The following RXFP1 variants were observed in gnomAD, a reference collection of about 807,000 sequenced individuals.
RXFP1 encodes relaxin receptor 1.
In RXFP1, 73 loss-of-function variants were observed where a neutral mutation model predicts 89.8. The ratio of observed to expected loss-of-function variants is 0.81; its 90% CI spans 0.67 to 0.99. The LOEUF (loss-of-function observed/expected upper bound fraction) is 0.99, where lower values mean the gene tolerates loss of function less well. RXFP1 is among the 50% of genes least tolerant of loss of function. RXFP1 has a pLI of 0.00. For synonymous variants in RXFP1, 277 were observed against 305.5 expected (o/e 0.91, Z 0.97); for missense variants, 793 against 895.5 (o/e 0.89, Z 1.46).
chr4:158,529,441 T>C (rs540949835), intron 1 of RXFP1, among the ~76,000 whole-genome samples: 1 of 152,094 alleles, frequency 6.6e-6, no homozygotes, highest in East Asian at 1.9e-4. Context: ...GTATTTTTTG[T>C]AGAGATGGGA....
chr4:158,544,988 G>C (rs1197745442), intron 1 of RXFP1, among the ~76,000 whole-genome samples: 2 of 151,788 alleles, frequency 1.3e-5, no homozygotes, highest in Non-Finnish European at 2.9e-5. Context: ...GGGTCAAATG[G>C]TATTTCTAGT....
At chr4:158,528,188 T>G (rs1743062450) in intron 1 of RXFP1, among the ~76,000 whole-genome samples, 1 of 152,092 alleles carries the variant, frequency 6.6e-6, no homozygotes, top group Non-Finnish European at 1.5e-5. Context: ...GGAATTTTAA[T>G]GAAAGGGACT....
intron 1 of RXFP1, among the ~76,000 whole-genome samples, chr4:158,529,836 T>A (rs914097768): frequency 1.3e-5 from 2 of 152,238 alleles, no homozygotes; most frequent in African/African-American, 4.8e-5. Context: ...TCCCAAATCT[T>A]GCAACCCTAA....
intron 1 of RXFP1, among the ~76,000 whole-genome samples, chr4:158,552,136 GAA>G: frequency 6.6e-6 from 1 of 152,260 alleles, no homozygotes; most frequent in Non-Finnish European, 1.5e-5. Context: ...AATAAGGTGT[GAA>G]ATGGAAATGC....
At chr4:158,572,201 T>G (rs1755228415) in intron 1 of RXFP1, among the ~76,000 whole-genome samples, 1 of 152,216 alleles carries the variant, frequency 6.6e-6, no homozygotes, top group African/African-American at 2.4e-5. Flanking sequence ...TTTTTGTCTA[T>G]TAAACTTTCC....
chr4:158,644,048 T>C (rs1382289534), intron 14 of RXFP1, among the ~76,000 whole-genome samples: 1 of 145,426 alleles, frequency 6.9e-6, no homozygotes, highest in African/African-American at 2.6e-5. Flanking sequence ...CTTCTTTTTT[T>C]TTTTTTTTTT....
At chr4:158,549,503 T>C (rs1749512757) in intron 1 of RXFP1, among the ~76,000 whole-genome samples, 2 of 152,228 alleles carry the variant, frequency 1.3e-5, no homozygotes, top group African/African-American at 2.4e-5. Flanking sequence ...AGGAGCTGCG[T>C]TCCTTTGGAG....
intron 1 of RXFP1, among the ~76,000 whole-genome samples, chr4:158,567,221 G>A (rs1435727565): frequency 2.0e-5 from 3 of 152,076 alleles, no homozygotes; most frequent in African/African-American, 4.8e-5. Flanking sequence ...GAGCCTCCCC[G>A]ACGACCATGG....
chr4:158,542,442 CA>C (rs951555589), intron 1 of RXFP1, among the ~76,000 whole-genome samples: 4 of 152,038 alleles, frequency 2.6e-5, no homozygotes, highest in Non-Finnish European at 5.9e-5. Context: ...TTTGCAAACC[CA>C]AGACTGTTAC....
intron 2 of RXFP1, among the ~76,000 whole-genome samples, chr4:158,579,586 C>A (rs1008851247): frequency 3.3e-5 from 5 of 152,178 alleles, no homozygotes; most frequent in African/African-American, 1.2e-4. Context: ...TTTTAAGTCA[C>A]CAAGTTTGTG....
In RXFP1 at chr4:158,646,784, C is replaced by T. The variant is rs149704901; in HGVS notation, c.1346-7C>T. ...TCTCTAAATTTGTGAAACTATGACT[C>T]CTCTAGGTGCCGACTGCTTAATGGG... On this transcript the variant is annotated splice_polypyrimidine_tract_variant and splice_region_variant and intron_variant, in intron 15 of 17. Coordinates refer to ENST00000307765, the MANE Select transcript of RXFP1 (RefSeq NM_021634.4). 691 of 1,581,692 alleles carry T rather than the reference C, an allele frequency of 4.4e-4. 1 individual carries two copies. The African/African-American group carries it at 8.3e-3, about 19-fold the overall frequency.
chr4:158,596,298 T>C (rs1374043285), intron 3 of RXFP1, among the ~76,000 whole-genome samples: 2 of 149,414 alleles, frequency 1.3e-5, no homozygotes, highest in Non-Finnish European at 3.0e-5. Flanking sequence ...AATTTCACTC[T>C]TGTTGCCCAG....
At chr4:158,610,767 C>G in intron 6 of RXFP1, 1 of 1,197,764 alleles carries the variant, frequency 8.3e-7, no homozygotes, top group Non-Finnish European at 1.1e-6. Flanking sequence ...GGTTGTAAGT[C>G]ATTTCTTACC....
chr4:158,565,520 G>A (rs575237261), intron 1 of RXFP1, among the ~76,000 whole-genome samples: 1 of 152,182 alleles, frequency 6.6e-6, no homozygotes, highest in Non-Finnish European at 1.5e-5. Flanking sequence ...CTAGTTACAG[G>A]GCTATAGCAG....
chr4:158,591,063 T>G lies in RXFP1; in HGVS notation c.188-2338T>G, dbSNP rs556111303. Among the ~76,000 whole-genome samples the G allele has an allele frequency of 7.9e-4, 120 of 152,216 alleles. 1 individual carries two copies. The highest frequency in any genetic ancestry group is 7.7e-4 in the East Asian group (4 of 5,180). ...CCACTAGATATCCATGAGGCTGGTG[T>G]GTATAAACCTCAGGTCTCACAAGAG... On this transcript the variant is annotated intron_variant, in intron 2 of 17. Transcript: ENST00000307765.
chr4:158,614,414 C>A (rs576079081), intron 8 of RXFP1, among the ~76,000 whole-genome samples: 1 of 152,272 alleles, frequency 6.6e-6, no homozygotes, highest in East Asian at 1.9e-4. Context: ...AGTGGAACCA[C>A]CTTCATGAAT....
intron 1 of RXFP1, among the ~76,000 whole-genome samples, chr4:158,523,096 G>A (rs1030950402): frequency 1.1e-4 from 16 of 152,128 alleles, no homozygotes; most frequent in African/African-American, 3.6e-4. Context: ...TCTAGTCCTA[G>A]CCTTCTCCAT....
In RXFP1 at chr4:158,652,244, A is replaced by G; in HGVS notation, c.*189A>G. The G allele has an allele frequency of 1.9e-6, 1 of 515,230 alleles. No homozygotes were observed. The highest frequency in any genetic ancestry group is 3.6e-5 in the Admixed American group (1 of 27,452). The allele number at this position is 515,230 out of a possible 1,614,324, so 31.9% of individuals were successfully genotyped here. A position where few individuals can be genotyped will look rare whatever the true frequency, so the allele number is the denominator to read the frequency against. ...GGAAGTAATTATATCAATAATGTAT[A>G]TATATTAGTAGACATTTTGCATAAG... On this transcript the variant is annotated 3_prime_UTR_variant, in exon 18 of 18. Transcript: ENST00000307765.
chr4:158,643,673 G>A (rs891557061), intron 14 of RXFP1, among the ~76,000 whole-genome samples: 7 of 151,568 alleles, frequency 4.6e-5, no homozygotes, highest in East Asian at 1.9e-4. Flanking sequence ...GGTTTTCACC[G>A]TGTTAACCAG....
Sources: gnomAD v4.1 joint callset for allele counts (sites outside exome capture counted in the v4.1 genomes callset) on GRCh38, gnomAD v4.1.1 for gene constraint, MANE v1.5 for transcripts, NCBI Gene and HGNC (gene_info 2026-07-23, HGNC 2026-07-21) for gene names.